Variants in GPN1 observed in about 807,000 individuals in gnomAD.
GPN1 encodes the protein GPN-loop GTPase 1.
Under a neutral mutation model 55.9 loss-of-function variants are expected in GPN1, and 44 were observed. The observed-to-expected ratio is 0.79, with a 90% confidence interval of 0.62 to 1.01. The LOEUF (loss-of-function observed/expected upper bound fraction) is 1.01, where lower values mean the gene tolerates loss of function less well. Among genes scored for constraint, GPN1 ranks in the 50% least tolerant of loss-of-function variants. GPN1 has a pLI of 0.00. For missense variants in GPN1, 466 were observed against 462.8 expected (o/e 1.01, Z -0.06); for synonymous variants, 179 against 162.5 (o/e 1.10, Z -0.77).
rs202052577 is a variant in GPN1, at chr2:27,630,386, GTTTTTTTTTTTTTT to G, written c.205+446_205+459del. Among the ~76,000 whole-genome samples, 1,363 of 82,594 alleles carry G rather than the reference GTTTTTTTTTTTTTT, an allele frequency of 0.017. 57 individuals are homozygous for G. In the East Asian group the frequency reaches 0.2, roughly 12 times the overall value. The allele number at this position is 82,594 out of a possible 152,430, so 54.2% of individuals were successfully genotyped here. Reference sequence around the variant, plus strand: ...TTGCTTGCATTCCTAAACAGCTTAGGTTTTTTTTTTTTTTTTTTTTTTTTTAGACAGAGTCTCTG... The same window carrying G: ...TTGCTTGCATTCCTAAACAGCTTAGGTTTTTTTTTTTAGACAGAGTCTCTG... On this transcript the variant is annotated intron_variant, in intron 2 of 13. Coordinates refer to ENST00000610189, the MANE Select transcript of GPN1 (RefSeq NM_007266.4).
rs758480925 is a variant in GPN1, at chr2:27,629,108, G to A, written c.50G>A (p.Arg17Gln). ...GAGCTCCAGGCTTCTGGGGGTCCGC[G>A]GCACCCAGTGTGTCTGTTGGTGTTG... ...AAELQASGGP[R>Q]HPVCLLVLGM... The change falls in exon 1 of 14, where the codon CGG (arginine) becomes CAG (glutamine). Residue 17 changes from arginine (R) to glutamine (Q), a missense_variant. Coordinates refer to ENST00000610189, the MANE Select transcript of GPN1 (RefSeq NM_007266.4). The A allele has an allele frequency of 5.0e-6, 8 of 1,614,128 alleles. No individual in the cohort carries two copies. The highest frequency in any genetic ancestry group is 1.3e-5 in the African/African-American group (1 of 74,950).
intron 8 of GPN1, among the ~76,000 whole-genome samples, chr2:27,638,591 C>T (rs1419418257): frequency 6.6e-6 from 1 of 152,142 alleles, no homozygotes; most frequent in Admixed American, 6.5e-5. Context: ...TGGTTGATGG[C>T]TAGGATGCAA....
intron 3 of GPN1, chr2:27,631,393 A>G: frequency 2.3e-6 from 1 of 443,336 alleles, no homozygotes; most frequent in African/African-American, 2.0e-5. Flanking sequence ...AAACTCAGAA[A>G]TGAGTGAGTT....
rs556375620 is a variant in GPN1 at position 27,650,229 on chromosome 2, A to C, written c.*29A>C. The C allele has an allele frequency of 1.5e-6, 2 of 1,338,988 alleles. No individual in the cohort carries two copies. The highest frequency in any genetic ancestry group is 2.4e-5 in the South Asian group (2 of 84,304). The allele number at this position is 1,338,988 out of a possible 1,614,324, so 82.9% of individuals were successfully genotyped here. A position where few individuals can be genotyped will look rare whatever the true frequency, so the allele number is the denominator to read the frequency against. ...ACTTTAGCACACTTCACTTGTTTCT[A>C]GAAGTCCAGAATTTTGGACCTCCAC... On this transcript the variant is annotated 3_prime_UTR_variant, in exon 14 of 14. Transcript: ENST00000610189.
At chr2:27,649,538 C>G (rs1223977757) in intron 13 of GPN1, among the ~76,000 whole-genome samples, 1 of 152,050 alleles carries the variant, frequency 6.6e-6, no homozygotes, top group African/African-American at 2.4e-5. Context: ...TTTTCAGTCC[C>G]CATCCTGAAC....
chr2:27,641,620 G>T (rs943669763), intron 11 of GPN1, among the ~76,000 whole-genome samples: 1 of 152,074 alleles, frequency 6.6e-6, no homozygotes, highest in Non-Finnish European at 1.5e-5. Flanking sequence ...TTGAGAAAGG[G>T]TCTCACTCTG....
At position 27,642,480 on chromosome 2, in the gene GPN1, G is replaced by C; in HGVS notation, c.892G>C (p.Asp298His). ...QREQLERLRKDMGSVALDAGT... is the reference protein window; with the variant it reads ...QREQLERLRKHMGSVALDAGT... The stretch of plus-strand genomic sequence containing the variant: ...AGAACAACTGGAACGCCTTCGAAAA[G>C]ATATGGGTTCTGTAGCCTTGGATGC... The change falls in exon 12 of 14, where the codon GAT (aspartate) becomes CAT (histidine). Residue 298 changes from aspartate to histidine, a missense_variant. Asp to His is a moderately conservative substitution (Grantham distance 81). Coordinates refer to ENST00000610189, the MANE Select transcript of GPN1 (RefSeq NM_007266.4). The C allele has an allele frequency of 1.9e-6, 3 of 1,613,646 alleles. No homozygotes were observed. The highest frequency in any genetic ancestry group is 2.5e-6 in the Non-Finnish European group (3 of 1,179,566).
At chr2:27,637,087 C>T (rs1380588178) in intron 7 of GPN1, among the ~76,000 whole-genome samples, 3 of 152,046 alleles carry the variant, frequency 2.0e-5, no homozygotes, top group Admixed American at 6.6e-5. Context: ...GAAACCCCAT[C>T]TCTACAAAAT....
chr2:27,631,785 C>T (rs757659547), intron 3 of GPN1, 49 bp from the exon 4 acceptor site: 2 of 1,078,694 alleles, frequency 1.9e-6, no homozygotes, highest in Non-Finnish European at 2.9e-6. Flanking sequence ...TAGGTATGAA[C>T]TTTATAATCT....
chr2:27,628,374 C>G (rs1286877189), upstream of GPN1: 3 of 1,539,822 alleles, frequency 1.9e-6, no homozygotes, highest in East Asian at 4.9e-5. Context: ...GGAGGAAGCT[C>G]CCCTCCAGTA....
At chr2:27,631,479 A>C in intron 3 of GPN1, 2 of 428,418 alleles carry the variant, frequency 4.7e-6, no homozygotes, top group Non-Finnish European at 8.4e-6. Flanking sequence ...TAGGAAGACT[A>C]ATCATAATCA....
chr2:27,647,002 G>C (rs142628734), intron 12 of GPN1, among the ~76,000 whole-genome samples: 1 of 152,208 alleles, frequency 6.6e-6, no homozygotes, highest in African/African-American at 2.4e-5. Flanking sequence ...ACCTGTTGAA[G>C]GTTGGGAGAG....
intron 12 of GPN1, 31 bp from the exon 13 acceptor site, chr2:27,647,805 G>A: frequency 1.6e-6 from 2 of 1,248,230 alleles, no homozygotes; most frequent in Non-Finnish European, 2.4e-6. Flanking sequence ...TTTTTGAGGA[G>A]GCATATCACT....
intron 10 of GPN1, among the ~76,000 whole-genome samples, chr2:27,640,521 C>T (rs1673898754): frequency 6.6e-6 from 1 of 152,180 alleles, no homozygotes; most frequent in South Asian, 2.1e-4. Context: ...TTTATGAAAA[C>T]AGGCAGTGGG....
In GPN1 at chr2:27,651,019, T is replaced by G. The variant is rs1425663740; in HGVS notation, c.*819T>G. On this transcript the variant is annotated 3_prime_UTR_variant, in exon 14 of 14. Transcript: ENST00000610189. Reference sequence around the variant, plus strand: ...TGCACATACTGACTAAATACAGAGCTAGGCCCAGTTTGTATTGTACTCTGA... The same window carrying G: ...TGCACATACTGACTAAATACAGAGCGAGGCCCAGTTTGTATTGTACTCTGA... 6.6e-6 allele frequency: 1 copy of G among 152,368 alleles called. No homozygotes were observed. Among genetic ancestry groups the G allele is most frequent in the Non-Finnish European group, 1.5e-5 (1 of 68,042 alleles). The allele number at this position is 152,368 out of a possible 1,614,324, so 9.4% of individuals were successfully genotyped here.
At chr2:27,649,427 G>C (rs1291881496) in intron 13 of GPN1, among the ~76,000 whole-genome samples, 7 of 149,544 alleles carry the variant, frequency 4.7e-5, no homozygotes, top group Non-Finnish European at 4.5e-5. Context: ...TGAGTATATA[G>C]TTTGATGAGC....
upstream of GPN1, chr2:27,628,353 G>C: frequency 6.6e-7 from 1 of 1,506,992 alleles, no homozygotes; most frequent in Non-Finnish European, 8.9e-7. Context: ...GGGACCTTCA[G>C]TGACTGGAGG....
At chr2:27,628,284 G>T, upstream of GPN1, 1 of 1,041,238 alleles carries the variant, frequency 9.6e-7, no homozygotes, top group Non-Finnish European at 1.4e-6. Flanking sequence ...AAACAGACTG[G>T]GTGGTCAGGA....
intron 13 of GPN1, 146 bp from the exon 14 acceptor site, chr2:27,649,969 G>A: frequency 1.8e-6 from 1 of 542,398 alleles, no homozygotes; most frequent in Non-Finnish European, 3.4e-6. Flanking sequence ...GATAGAGCAT[G>A]CTTCTAGGAG....
Sources: allele counts gnomAD v4.1 joint callset (sites outside exome capture counted in the v4.1 genomes callset), GRCh38; gene constraint gnomAD v4.1.1; transcripts MANE v1.5; gene names NCBI Gene and HGNC (gene_info 2026-07-23, HGNC 2026-07-21).